Variants in MAML3 observed in about 807,000 individuals in gnomAD.
The protein encoded by MAML3 is mastermind like transcriptional coactivator 3.
A neutral mutation model predicts 101.9 loss-of-function variants in MAML3; 27 were observed. The observed-to-expected ratio is 0.27, with a 90% CI of 0.20 to 0.37. MAML3 has a LOEUF of 0.37. Among genes scored for constraint, MAML3 ranks in the 10% least tolerant of loss-of-function variants. The pLI is 1.00. For synonymous variants in MAML3, 501 were observed against 555.9 expected, an observed-to-expected ratio of 0.90 and a Z score of 1.39; for missense variants, 1,316 against 1,444.9, an observed-to-expected ratio of 0.91 and a Z score of 1.45.
intron 1 of MAML3, among the ~76,000 whole-genome samples, chr4:140,124,436 G>A (rs1728654682): frequency 2.6e-5 from 4 of 152,178 alleles, no homozygotes; most frequent in African/African-American, 9.7e-5. Flanking sequence ...ACTAGGTATG[G>A]CTGGGAGAGT....
chr4:139,850,903 T>G (rs7691381), intron 2 of MAML3, among the ~76,000 whole-genome samples: 6,347 of 139,844 alleles, frequency 0.045, 416 homozygotes, highest in African/African-American at 0.15. Flanking sequence ...TTTGCAAGAT[T>G]AAAAAAAAAA....
At chr4:139,921,045 C>T (rs900203162) in intron 1 of MAML3, among the ~76,000 whole-genome samples, 1 of 152,202 alleles carries the variant, frequency 6.6e-6, no homozygotes, top group African/African-American at 2.4e-5. Context: ...CTGCTTTCTT[C>T]TGCTCTCTTT....
chr4:140,151,152 C>A (rs1380288233), intron 1 of MAML3, among the ~76,000 whole-genome samples: 2 of 151,886 alleles, frequency 1.3e-5, no homozygotes, highest in Non-Finnish European at 2.9e-5. Context: ...CCCACGGCCA[C>A]GTTCCAAAAG....
At chr4:139,728,414 A>G (rs1017021503) in intron 3 of MAML3, among the ~76,000 whole-genome samples, 2 of 152,234 alleles carry the variant, frequency 1.3e-5, no homozygotes, top group Non-Finnish European at 2.9e-5. Flanking sequence ...TGTGCAGCAC[A>G]TACAGCTTCC....
rs139366110 is a variant in MAML3 at position 139,854,134 on chromosome 4, T to TA, written c.2079+35222dup. 5.6e-3 allele frequency among the ~76,000 whole-genome samples: 859 copies of TA among 152,192 alleles called. 8 individuals carry two copies. The highest frequency in any genetic ancestry group is 0.018 in the African/African-American group (737 of 41,514). On this transcript the variant is annotated intron_variant, in intron 2 of 4. Transcript: ENST00000509479. ...CACCGTGCCCGGCCACATTTTTTTT[T>TA]ATCCTTTCTATGCCTCAGTTTCTTC...
At chr4:139,877,114 C>T (rs558687973) in intron 2 of MAML3, among the ~76,000 whole-genome samples, 1 of 152,192 alleles carries the variant, frequency 6.6e-6, no homozygotes, top group Admixed American at 6.5e-5. Context: ...TCACTATTTA[C>T]TGCTGACTAA....
At position 140,152,924 on chromosome 4, in the gene MAML3, G is replaced by A. The variant is rs1239293533; in HGVS notation, c.404C>T (p.Pro135Leu). ...SGAGTGKQQH[P>L]SKPQQDAEAA... ...CTCCGCATCTTGCTGGGGTTTGCTC[G>A]GGTGCTGCTGTTTGCCGGTGCCGGC... Residue 135 changes from proline (P) to leucine (L), a missense_variant, in exon 1 of 5, where the codon CCG becomes CTG. By Grantham distance (98) the Pro-to-Leu change is moderately conservative (BLOSUM62 -3). Transcript: ENST00000509479. 1.9e-6 allele frequency: 3 copies of A among 1,612,790 alleles called. No homozygotes were observed. Among genetic ancestry groups the A allele is most frequent in the Non-Finnish European group, 2.5e-6 (3 of 1,179,692 alleles).
chr4:140,067,573 C>A (rs1207437112), intron 1 of MAML3, among the ~76,000 whole-genome samples: 2 of 152,006 alleles, frequency 1.3e-5, no homozygotes, highest in Non-Finnish European at 2.9e-5. Flanking sequence ...TGTATTGTCT[C>A]AATATTTAAA....
chr4:140,141,152 AATT>A (rs912523979), intron 1 of MAML3, among the ~76,000 whole-genome samples: 2 of 152,144 alleles, frequency 1.3e-5, no homozygotes, highest in African/African-American at 4.8e-5. Flanking sequence ...TATAGACGAT[AATT>A]ATTATTATCT....
At chr4:140,047,182 G>A (rs1038140672) in intron 1 of MAML3, among the ~76,000 whole-genome samples, 3 of 152,130 alleles carry the variant, frequency 2.0e-5, no homozygotes, top group Non-Finnish European at 4.4e-5. Flanking sequence ...AAAGACACAG[G>A]GGGACAAAGC....
At chr4:139,929,591 T>C (rs566837965) in intron 1 of MAML3, among the ~76,000 whole-genome samples, 1 of 152,226 alleles carries the variant, frequency 6.6e-6, no homozygotes, top group Non-Finnish European at 1.5e-5. Context: ...TCAAATATAC[T>C]AGCATCTATA....
intron 1 of MAML3, among the ~76,000 whole-genome samples, chr4:140,129,704 T>C (rs887832732): frequency 9.9e-5 from 15 of 152,116 alleles, no homozygotes; most frequent in East Asian, 7.7e-4. Flanking sequence ...CGGTGGCTCA[T>C]GCCTGCAGTC....
At chr4:139,867,534 C>A (rs1447365592) in intron 2 of MAML3, among the ~76,000 whole-genome samples, 5 of 152,184 alleles carry the variant, frequency 3.3e-5, no homozygotes, top group Non-Finnish European at 7.3e-5. Flanking sequence ...TAGGCACTAT[C>A]ATCTCATTTG....
rs188832454 is a variant in MAML3, at chr4:139,798,444, T to C, written c.2080-67777A>G. On this transcript the variant is annotated intron_variant, in intron 2 of 4. Coordinates refer to ENST00000509479, the MANE Select transcript of MAML3 (RefSeq NM_018717.5). Reference sequence around the variant, plus strand: ...GCTAAACTCTGCAAAAAGTTCAGTGTCCAAAGTTGTCAGGCAATACTCTGC... The same window carrying C: ...GCTAAACTCTGCAAAAAGTTCAGTGCCCAAAGTTGTCAGGCAATACTCTGC... Among the ~76,000 whole-genome samples the C allele has an allele frequency of 3.5e-3, 531 of 152,290 alleles. 3 individuals carry two copies. Among genetic ancestry groups the C allele is most frequent in the South Asian group, 5.2e-3 (25 of 4,816 alleles).
At chr4:140,138,782 T>A (rs1299422124) in intron 1 of MAML3, among the ~76,000 whole-genome samples, 1 of 152,182 alleles carries the variant, frequency 6.6e-6, no homozygotes. Context: ...TTGCCCCAGC[T>A]GGGGACTCTG....
chr4:140,050,242 T>C (rs1560877567), intron 1 of MAML3, among the ~76,000 whole-genome samples: 2 of 152,096 alleles, frequency 1.3e-5, no homozygotes, highest in South Asian at 2.1e-4. Flanking sequence ...TCTCACCTAC[T>C]TATCCATCCC....
chr4:139,744,172 C>T (rs1729252299), intron 2 of MAML3, among the ~76,000 whole-genome samples: 1 of 152,224 alleles, frequency 6.6e-6, no homozygotes, highest in African/African-American at 2.4e-5. Context: ...GGAAGGCTGA[C>T]TAGGTCAGTT....
intron 2 of MAML3, among the ~76,000 whole-genome samples, chr4:139,759,367 G>A (rs1729710908): frequency 6.6e-6 from 1 of 152,232 alleles, no homozygotes; most frequent in Admixed American, 6.5e-5. Flanking sequence ...ACAGGCTGGT[G>A]TCTGTGGGGC....
intron 1 of MAML3, among the ~76,000 whole-genome samples, chr4:139,956,203 C>T (rs1480888262): frequency 3.3e-5 from 5 of 152,084 alleles, no homozygotes; most frequent in African/African-American, 9.7e-5. Context: ...CTACCATTCA[C>T]GGATATGAGA....
Sources: gnomAD v4.1 joint callset for allele counts (sites outside exome capture counted in the v4.1 genomes callset) on GRCh38, gnomAD v4.1.1 for gene constraint, MANE v1.5 for transcripts, NCBI Gene and HGNC (gene_info 2026-07-23, HGNC 2026-07-21) for gene names.